The following NGLY1 variants were observed in gnomAD, a reference collection of about 807,000 sequenced individuals.
The protein encoded by NGLY1 is N-glycanase 1.
In NGLY1, 68 loss-of-function variants were observed where a neutral mutation model predicts 84.6. The observed-to-expected ratio is 0.80, with a 90% CI of 0.66 to 0.98. NGLY1 has a LOEUF of 0.98. NGLY1 is among the 50% of genes least tolerant of loss of function. The pLI, the probability that NGLY1 is intolerant of heterozygous loss-of-function variation, is 0.00. For missense variants in NGLY1, 779 were observed against 770.2 expected (o/e 1.01, Z -0.14); for synonymous variants, 280 against 275.2 (o/e 1.02, Z -0.17).
chr3:25,729,579 A>G (rs1312046905), intron 9 of NGLY1: 1 of 236,074 alleles, frequency 4.2e-6, no homozygotes, highest in Non-Finnish European at 8.0e-6. Context: ...TGAATTCATT[A>G]ATTTTTATTC....
At chr3:25,782,987 C>T (rs1376673111) in intron 1 of NGLY1, 8 of 395,490 alleles carry the variant, frequency 2.0e-5, no homozygotes, top group South Asian at 1.9e-4. Context: ...GCCCCGCTTC[C>T]GGGACTCCAG....
chr3:25,761,687 C>A (rs1237506533), intron 3 of NGLY1, among the ~76,000 whole-genome samples: 1 of 152,096 alleles, frequency 6.6e-6, no homozygotes, highest in Non-Finnish European at 1.5e-5. Context: ...CCATACAACC[C>A]AGTGGTTCCA....
upstream of NGLY1, among the ~76,000 whole-genome samples, chr3:25,787,717 A>C (rs887632620): frequency 2.0e-5 from 3 of 152,210 alleles, no homozygotes; most frequent in Admixed American, 1.3e-4. Context: ...ATGGTCTCTG[A>C]ACTACGGGAT....
At chr3:25,740,153 A>G (rs1284133663) in intron 4 of NGLY1, among the ~76,000 whole-genome samples, 1 of 152,222 alleles carries the variant, frequency 6.6e-6, no homozygotes, top group Non-Finnish European at 1.5e-5. Context: ...TTTGAAAAAC[A>G]TTTAAAAATG....
chr3:25,739,253 G>C (rs900687436), intron 5 of NGLY1, among the ~76,000 whole-genome samples: 1 of 152,096 alleles, frequency 6.6e-6, no homozygotes, highest in Non-Finnish European at 1.5e-5. Flanking sequence ...TAGAACAAGA[G>C]TCAACAAATT....
chr3:25,783,107 C>A lies in NGLY1; in HGVS notation c.131+153G>T, dbSNP rs1708495927. ...GGTCCCGAGGCCCCTGGCCGGCGGGCTCGGACGTTAGGAGCAGAACCAGCT... is the reference window on the plus strand; with the variant it reads ...GGTCCCGAGGCCCCTGGCCGGCGGGATCGGACGTTAGGAGCAGAACCAGCT... On this transcript the variant is annotated intron_variant, in intron 1 of 11. Transcript: ENST00000280700. This position sits in a 1 kb window ranked among gnomAD's most constrained non-coding sequence, Gnocchi z 4.5. The A allele has an allele frequency of 1.5e-6, 1 of 659,588 alleles. No homozygotes were observed. The highest frequency in any genetic ancestry group is 2.1e-5 in the South Asian group (1 of 47,334). 40.9% of individuals were successfully genotyped at this position (659,588 alleles called of 1,614,324 possible). A position where few individuals can be genotyped will look rare whatever the true frequency, so the allele number is the denominator to read the frequency against.
At position 25,789,934 on chromosome 3, in the gene NGLY1, C is replaced by A; in HGVS notation, c.-69G>T. ...TCCGAGAGGGGCGTCTCTGCTCACG[C>A]AAACAGCTACCCAGCCGCCTCCCAC... On this transcript the variant is annotated 5_prime_UTR_variant, in exon 1 of 12. Transcript: ENST00000417874. The A allele has an allele frequency of 1.9e-6, 3 of 1,541,602 alleles. No homozygotes were observed. The Admixed American group carries it at 5.9e-5, about 30-fold the overall frequency.
chr3:25,733,933 G>A lies in NGLY1; in HGVS notation c.1199C>T (p.Ala400Val). ...RYSCKHEEVI[A>V]RRTKVKEALL... ...TGCTTCTTTAACCTTAGTTCTTCTG[G>A]CAATCACCTCTTCATGTTTGCAGGA... Residue 400 changes from alanine (A) to valine (V), a missense_variant, in exon 8 of 12, where the codon GCC (alanine) becomes GTC (valine). Ala to Val is a moderately conservative substitution (Grantham distance 64). Coordinates refer to ENST00000280700, the MANE Select transcript of NGLY1 (RefSeq NM_018297.4). 6.2e-7 allele frequency: 1 copy of A among 1,613,516 alleles called. No individual in the cohort carries two copies. Among genetic ancestry groups the A allele is most frequent in the South Asian group, 1.1e-5 (1 of 91,012 alleles).
At chr3:25,734,970 CA>C in intron 7 of NGLY1, 2 of 489,702 alleles carry the variant, frequency 4.1e-6, no homozygotes, top group Non-Finnish European at 5.3e-6. Flanking sequence ...AAAGACAATT[CA>C]ATGGAGAAAA....
At chr3:25,726,798 T>C (rs1421492529) in intron 10 of NGLY1, among the ~76,000 whole-genome samples, 1 of 152,254 alleles carries the variant, frequency 6.6e-6, no homozygotes, top group Non-Finnish European at 1.5e-5. Flanking sequence ...AAGCTATTAA[T>C]ACTGCTTTTA....
At chr3:25,751,684 C>T (rs1021266728) in intron 3 of NGLY1, among the ~76,000 whole-genome samples, 2 of 152,012 alleles carry the variant, frequency 1.3e-5, no homozygotes, top group African/African-American at 4.8e-5. Flanking sequence ...TATGAAAGGA[C>T]TAAAGGAAGA....
At chr3:25,749,607 G>A (rs1706622037) in intron 4 of NGLY1, 2 of 1,467,154 alleles carry the variant, frequency 1.4e-6, no homozygotes, top group African/African-American at 1.4e-5. Flanking sequence ...AAACCCAGAG[G>A]TATTGACGAC....
intron 3 of NGLY1, among the ~76,000 whole-genome samples, chr3:25,758,236 T>G (rs1411275564): frequency 6.6e-6 from 1 of 152,208 alleles, no homozygotes; most frequent in Non-Finnish European, 1.5e-5. Flanking sequence ...TTATCAAGAC[T>G]ATTTTAAATA....
At chr3:25,770,570 T>G (rs1391721186) in intron 2 of NGLY1, among the ~76,000 whole-genome samples, 4 of 152,252 alleles carry the variant, frequency 2.6e-5, no homozygotes, top group Non-Finnish European at 5.9e-5. Flanking sequence ...CTTCTTTTCC[T>G]CTGGGTAGAT....
exon 1 of NGLY1, chr3:25,789,972 GCCAAGGT>G: frequency 1.4e-6 from 2 of 1,387,394 alleles, no homozygotes; most frequent in Non-Finnish European, 2.0e-6. Context: ...TCTGACCTCA[GCCAAGGT>G]GACGCGGCTT....
chr3:25,755,972 G>A (rs934075832), intron 3 of NGLY1, among the ~76,000 whole-genome samples: 2 of 152,088 alleles, frequency 1.3e-5, no homozygotes, highest in African/African-American at 4.8e-5. Context: ...TAAGTTTTAG[G>A]TTCTACAGCC....
chr3:25,744,708 C>G (rs191788229), intron 4 of NGLY1, among the ~76,000 whole-genome samples: 4 of 152,298 alleles, frequency 2.6e-5, no homozygotes, highest in Admixed American at 2.6e-4. Context: ...AATGACTAAG[C>G]TTCATGTTAC....
chr3:25,748,441 A>G (rs936416199), intron 4 of NGLY1, among the ~76,000 whole-genome samples: 1 of 152,192 alleles, frequency 6.6e-6, no homozygotes, highest in Non-Finnish European at 1.5e-5. Flanking sequence ...ACAAGAAAAC[A>G]ACTCTAGTTA....
chr3:25,724,627 CCT>C (rs1705161999), intron 10 of NGLY1, among the ~76,000 whole-genome samples: 1 of 151,960 alleles, frequency 6.6e-6, no homozygotes, highest in South Asian at 2.1e-4. Context: ...CAATTATTTA[CCT>C]CTCTAGTCTC....
Sources: gnomAD v4.1 joint callset for allele counts (sites outside exome capture counted in the v4.1 genomes callset) on GRCh38, gnomAD v4.1.1 for gene constraint, Gnocchi (gnomAD v3.1) non-coding constraint, MANE v1.5 for transcripts, NCBI Gene and HGNC (gene_info 2026-07-23, HGNC 2026-07-21) for gene names.